The following NR5A2 variants were observed in gnomAD, a reference collection of about 807,000 sequenced individuals.
NR5A2 encodes CYP7A promoter-binding factor.
NR5A2 carries 26 observed loss-of-function variants against 62.7 expected under a neutral mutation model. The observed-to-expected ratio is 0.41, with a 90% confidence interval of 0.30 to 0.58. The LOEUF (loss-of-function observed/expected upper bound fraction) is 0.58. Among genes scored for constraint, NR5A2 ranks in the 20% least tolerant of loss-of-function variants. The pLI, the probability that NR5A2 is intolerant of heterozygous loss-of-function variation, is 0.22. For synonymous variants in NR5A2, 246 were observed against 241.7 expected (o/e 1.02, Z -0.16); for missense variants, 541 against 669.1 (o/e 0.81, Z 2.11).
chr1:200,143,969 T>C (rs1261610007), intron 7 of NR5A2, among the ~76,000 whole-genome samples: 2 of 152,096 alleles, frequency 1.3e-5, no homozygotes, highest in Non-Finnish European at 2.9e-5. Flanking sequence ...TGGCCACTGC[T>C]CTGCATTTCT....
intron 5 of NR5A2, among the ~76,000 whole-genome samples, chr1:200,074,741 A>AAAAAAAG (rs1289265413): frequency 1.3e-5 from 1 of 76,150 alleles, no homozygotes; most frequent in Non-Finnish European, 2.9e-5. Flanking sequence ...CATCTCAAAA[A>AAAAAAAG]AAAAAAAAAA....
At chr1:200,112,080 A>G (rs1465031497) in intron 6 of NR5A2, among the ~76,000 whole-genome samples, 2 of 140,394 alleles carry the variant, frequency 1.4e-5, no homozygotes, top group Non-Finnish European at 3.1e-5. Context: ...TGAATAAAAG[A>G]AAAAAAAAAA....
chr1:200,154,502 G>A (rs1005500292), intron 7 of NR5A2, among the ~76,000 whole-genome samples: 4 of 152,120 alleles, frequency 2.6e-5, no homozygotes, highest in Admixed American at 2.0e-4. Context: ...AGATGGTGGT[G>A]GTCTCTGGTG....
chr1:200,037,843 G>T (rs1661849592), intron 1 of NR5A2, among the ~76,000 whole-genome samples: 2 of 152,226 alleles, frequency 1.3e-5, no homozygotes, highest in African/African-American at 4.8e-5. Context: ...TGAATTGCCA[G>T]GTGTGGGTGG....
chr1:200,092,782 C>T (rs920920998), intron 5 of NR5A2, among the ~76,000 whole-genome samples: 2 of 150,134 alleles, frequency 1.3e-5, no homozygotes, highest in African/African-American at 4.9e-5. Flanking sequence ...TTTTATGAAT[C>T]ATGTGTGCTC....
At chr1:200,161,665 A>T (rs1315293348) in intron 7 of NR5A2, among the ~76,000 whole-genome samples, 4 of 152,206 alleles carry the variant, frequency 2.6e-5, no homozygotes, top group African/African-American at 4.8e-5. Context: ...CTTTTTCTAG[A>T]GACACATTAT....
At chr1:200,138,191 T>C (rs1241490372) in intron 7 of NR5A2, among the ~76,000 whole-genome samples, 1 of 152,208 alleles carries the variant, frequency 6.6e-6, no homozygotes, top group African/African-American at 2.4e-5. Flanking sequence ...CATGTCTTCC[T>C]GTAATATATT....
chr1:200,163,150 G>T (rs1462694358), intron 7 of NR5A2, among the ~76,000 whole-genome samples: 2 of 151,356 alleles, frequency 1.3e-5, no homozygotes, highest in Non-Finnish European at 2.9e-5. Context: ...TCCCAAGAAA[G>T]TACAATCTAT....
chr1:200,040,897 G>A (rs1280174081), intron 2 of NR5A2, among the ~76,000 whole-genome samples: 1 of 152,240 alleles, frequency 6.6e-6, no homozygotes, highest in Non-Finnish European at 1.5e-5. Flanking sequence ...GTTGTGATCC[G>A]TTACCCCATC....
intron 7 of NR5A2, among the ~76,000 whole-genome samples, chr1:200,152,315 TTAAG>T (rs1263608819): frequency 1.3e-5 from 2 of 152,198 alleles, no homozygotes; most frequent in African/African-American, 4.8e-5. Flanking sequence ...ATCTATATAT[TTAAG>T]TAATTAGTTC....
chr1:200,084,059 T>C (rs1036384011), intron 5 of NR5A2, among the ~76,000 whole-genome samples: 2 of 151,716 alleles, frequency 1.3e-5, no homozygotes, highest in Non-Finnish European at 2.9e-5. Flanking sequence ...AGATTCCTTC[T>C]TTCATTCAGT....
At chr1:200,089,619 G>A (rs541334574) in intron 5 of NR5A2, among the ~76,000 whole-genome samples, 1 of 152,062 alleles carries the variant, frequency 6.6e-6, no homozygotes, top group Non-Finnish European at 1.5e-5. Context: ...ATAGGCGTGT[G>A]CCACCAAGCC....
intron 5 of NR5A2, among the ~76,000 whole-genome samples, chr1:200,054,898 CCTA>C (rs1209369135): frequency 6.6e-6 from 1 of 151,728 alleles, no homozygotes; most frequent in Non-Finnish European, 1.5e-5. Context: ...TTTACTTAGT[CCTA>C]CTTTTTTTTT....
chr1:200,074,545 T>G (rs375979276), intron 5 of NR5A2, among the ~76,000 whole-genome samples: 13 of 151,668 alleles, frequency 8.6e-5, no homozygotes, highest in East Asian at 3.9e-4. Flanking sequence ...AGACCATCCT[T>G]GCTAACACAG....
chr1:200,053,063 T>C (rs1662731500), intron 5 of NR5A2, among the ~76,000 whole-genome samples: 1 of 152,226 alleles, frequency 6.6e-6, no homozygotes, highest in Non-Finnish European at 1.5e-5. Flanking sequence ...TGTTTTGTTT[T>C]TCTATACATC....
In NR5A2 at chr1:200,027,912, G is replaced by C; in HGVS notation, c.64+1G>C. 6.3e-7 allele frequency: 1 copy of C among 1,575,200 alleles called. No individual in the cohort carries two copies. Among genetic ancestry groups the C allele is most frequent in the South Asian group, 1.2e-5 (1 of 84,522 alleles). On this transcript the variant is annotated splice_donor_variant, in intron 1 of 7. Transcript: ENST00000367362. LOFTEE classifies it high-confidence loss of function. ...TTAAAGCACGGACTTACACCTATTG[G>C]TAAGTAGGAGTTTCTCTATTGATCA...
rs1240054815 is a variant in NR5A2 at position 200,039,293 on chromosome 1, C to T, written c.65-365C>T. Reference sequence around the variant, plus strand: ...CCGAGCCGTCCGGGAGCAGTGGCAGCGGCACAGCCGGGGCGGCAATAGCAG... The same window carrying T: ...CCGAGCCGTCCGGGAGCAGTGGCAGTGGCACAGCCGGGGCGGCAATAGCAG... On this transcript the variant is annotated intron_variant, in intron 1 of 7. Coordinates refer to ENST00000367362, the MANE Select transcript of NR5A2 (RefSeq NM_205860.3). The surrounding 1 kb of genome is among the most constrained non-coding windows in gnomAD (Gnocchi z 5.1). 1.3e-5 allele frequency among the ~76,000 whole-genome samples: 2 copies of T among 152,204 alleles called. No homozygotes were observed. Among genetic ancestry groups the T allele is most frequent in the Middle Eastern group, 3.4e-3 (1 of 292 alleles).
chr1:200,070,078 C>CT (rs889155368), intron 5 of NR5A2, among the ~76,000 whole-genome samples: 23 of 151,962 alleles, frequency 1.5e-4, no homozygotes, highest in African/African-American at 5.5e-4. Flanking sequence ...TCCTTAAGTA[C>CT]TTTTCATTTG....
At chr1:200,144,028 C>T (rs1406517787) in intron 7 of NR5A2, among the ~76,000 whole-genome samples, 1 of 152,074 alleles carries the variant, frequency 6.6e-6, no homozygotes, top group African/African-American at 2.4e-5. Flanking sequence ...TAGCTATGTC[C>T]TTTTCTCTCC....
Sources: gnomAD v4.1 joint callset for allele counts (sites outside exome capture counted in the v4.1 genomes callset) on GRCh38, gnomAD v4.1.1 for gene constraint, Gnocchi (gnomAD v3.1) non-coding constraint, MANE v1.5 for transcripts, NCBI Gene and HGNC (gene_info 2026-07-23, HGNC 2026-07-21) for gene names.